Variants in PLAGL1 observed in about 807,000 individuals in gnomAD.
The protein encoded by PLAGL1 is zinc finger protein PLAGL1.
Under a neutral mutation model 4.6 loss-of-function variants are expected in PLAGL1, and 1 was observed. The observed-to-expected ratio is 0.22, with a 90% CI of 0.08 to 1.03. The LOEUF (loss-of-function observed/expected upper bound fraction) is 1.03. Among genes scored for constraint, PLAGL1 ranks in the 50% least tolerant of loss-of-function variants. The pLI is 0.58. For synonymous variants in PLAGL1, 240 were observed against 237.8 expected (o/e 1.01, Z -0.08); for missense variants, 464 against 570.4 (o/e 0.81, Z 1.90).
chr6:143,955,569 A>G lies in PLAGL1; in HGVS notation c.-325+4900T>C, dbSNP rs969695747. 1.6e-4 allele frequency among the ~76,000 whole-genome samples: 25 copies of G among 152,084 alleles called. No individual in the cohort carries two copies. The highest frequency in any genetic ancestry group is 6.0e-4 in the African/African-American group (25 of 41,408). ...GAGGAATGGGAAGAGGCAGTGGGGA[A>G]AGCCTCAGCCTGTGATTGTGAGCCT... On this transcript the variant is annotated intron_variant, in intron 6 of 7. Coordinates refer to ENST00000674357, the MANE Select transcript of PLAGL1 (RefSeq NM_001317162.2). This position sits in a 1 kb window ranked among gnomAD's most constrained non-coding sequence, Gnocchi z 4.9.
rs1796457220 is a variant in PLAGL1, at chr6:144,027,460, C to G, written c.-151+37008G>C. ...AAACTAGTAGGAAGAAATAGAGAAGCAGTTAATAGGAGAAATAGGAGAATG... is the reference window on the plus strand; with the variant it reads ...AAACTAGTAGGAAGAAATAGAGAAGGAGTTAATAGGAGAAATAGGAGAATG... On this transcript the variant is annotated intron_variant, in intron 1 of 3. Transcript: ENST00000437412. This position sits in a 1 kb window ranked among gnomAD's most constrained non-coding sequence, Gnocchi z 5.8. Among the ~76,000 whole-genome samples the G allele has an allele frequency of 6.6e-6, 1 of 151,946 alleles. No individual in the cohort carries two copies. The highest frequency in any genetic ancestry group is 2.4e-5 in the African/African-American group (1 of 41,372).
rs1790266111 is a variant in PLAGL1 at position 143,990,575 on chromosome 6, T to TTA, written c.-583-5403_-583-5402dup. Among the ~76,000 whole-genome samples the TTA allele has an allele frequency of 6.6e-6, 1 of 152,180 alleles. No individual in the cohort carries two copies. Among genetic ancestry groups the TTA allele is most frequent in the South Asian group, 2.1e-4 (1 of 4,836 alleles). ...ACTTTCCAACCCATTCCCCAGGCTC[T>TTA]TATCTCTACCACTCTATCAAAAGAT... is the stretch of plus-strand genomic sequence containing the variant. On this transcript the variant is annotated intron_variant, in intron 1 of 7. Coordinates refer to ENST00000674357, the MANE Select transcript of PLAGL1 (RefSeq NM_001317162.2). The surrounding 1 kb of genome is among the most constrained non-coding windows in gnomAD (Gnocchi z 5.4).
intron 6 of PLAGL1, among the ~76,000 whole-genome samples, chr6:143,956,943 C>T (rs770193996): frequency 6.6e-6 from 1 of 152,244 alleles, no homozygotes; most frequent in Non-Finnish European, 1.5e-5. Flanking sequence ...CCACCACTGG[C>T]CTTCCTCATC....
At position 144,055,040 on chromosome 6, in the gene PLAGL1, T is replaced by C. The variant is rs1798866743; in HGVS notation, c.-151+9428A>G. ...CCCAGCACCTTTTCAACATGAATTG[T>C]CATAATAAAGGATTCCATCCAAGTG... is the stretch of plus-strand genomic sequence containing the variant. On this transcript the variant is annotated intron_variant, in intron 1 of 3. Transcript: ENST00000437412. This position sits in a 1 kb window ranked among gnomAD's most constrained non-coding sequence, Gnocchi z 5.0. 6.6e-6 allele frequency among the ~76,000 whole-genome samples: 1 copy of C among 152,150 alleles called. No individual in the cohort carries two copies. The highest frequency in any genetic ancestry group is 1.5e-5 in the Non-Finnish European group (1 of 68,026).
At chr6:143,987,057 C>CAAGTATATTAAATAT (rs1250412037) in intron 1 of PLAGL1, among the ~76,000 whole-genome samples, 3 of 152,144 alleles carry the variant, frequency 2.0e-5, no homozygotes, top group Non-Finnish European at 4.4e-5. Context: ...ACTTCGTTAA[C>CAAGTATATTAAATAT]ACTGAAATAT....
At position 144,024,150 on chromosome 6, in the gene PLAGL1, T is replaced by C. The variant is rs201045479; in HGVS notation, c.-151+40318A>G. On this transcript the variant is annotated intron_variant, in intron 1 of 3. Transcript: ENST00000437412. Reference sequence around the variant, plus strand: ...GTATGCACAGGTTAGCATCCACCTATATATTTCCTAGCTCTGTCTACTGAG... The same window carrying C: ...GTATGCACAGGTTAGCATCCACCTACATATTTCCTAGCTCTGTCTACTGAG... Among the ~76,000 whole-genome samples the C allele has an allele frequency of 1.3e-4, 20 of 152,334 alleles. No homozygotes were observed. The East Asian group carries it at 2.3e-3, about 18-fold the overall frequency.
At chr6:143,986,749 C>A (rs1358496182) in intron 1 of PLAGL1, among the ~76,000 whole-genome samples, 3 of 152,162 alleles carry the variant, frequency 2.0e-5, no homozygotes, top group Non-Finnish European at 4.4e-5. Context: ...TTATGCATAG[C>A]TGTGACAGTT....
At chr6:143,980,449 T>G (rs184154517) in intron 2 of PLAGL1, among the ~76,000 whole-genome samples, 164 of 151,708 alleles carry the variant, frequency 1.1e-3, no homozygotes, top group Middle Eastern at 3.4e-3. Context: ...CAGTGTATTT[T>G]GGGATTTTAA....
At chr6:144,038,235 T>A (rs1797418957) in intron 1 of PLAGL1, among the ~76,000 whole-genome samples, 1 of 152,248 alleles carries the variant, frequency 6.6e-6, no homozygotes, top group Non-Finnish European at 1.5e-5. Context: ...ACTTATCTAC[T>A]TATTGTTTGT....
Position 143,982,534 on chromosome 6 carries a change from G to A in PLAGL1, c.-544+2601C>T, listed in dbSNP as rs1231442049. On this transcript the variant is annotated intron_variant, in intron 2 of 7. Transcript: ENST00000674357. This position sits in a 1 kb window ranked among gnomAD's most constrained non-coding sequence, Gnocchi z 5.3. ...ACTTAACAGTTTTAAATAATTTATC[G>A]GGCTGTTGTGTGGAGAGTGAATTCT... is the stretch of plus-strand genomic sequence containing the variant. Among the ~76,000 whole-genome samples, 3 of 152,088 alleles carry A rather than the reference G, an allele frequency of 2.0e-5. No individual in the cohort carries two copies. The highest frequency in any genetic ancestry group is 4.4e-5 in the Non-Finnish European group (3 of 68,016).
rs1781970733 is a variant in PLAGL1, at chr6:143,955,675, A to G, written c.-325+4794T>C. 6.6e-6 allele frequency among the ~76,000 whole-genome samples: 1 copy of G among 152,132 alleles called. No homozygotes were observed. Among genetic ancestry groups the G allele is most frequent in the East Asian group, 1.9e-4 (1 of 5,186 alleles). On this transcript the variant is annotated intron_variant, in intron 6 of 7. Transcript: ENST00000674357. The surrounding 1 kb of genome is among the most constrained non-coding windows in gnomAD (Gnocchi z 4.9). Reference sequence around the variant, plus strand: ...GGCGCTCACCACCAGGGAGCTGGGCAATGGGGACCGATCAGAAGCAGTGGA... The same window carrying G: ...GGCGCTCACCACCAGGGAGCTGGGCGATGGGGACCGATCAGAAGCAGTGGA...
upstream of PLAGL1, among the ~76,000 whole-genome samples, chr6:144,009,222 T>A (rs1213871408): frequency 1.3e-5 from 2 of 152,246 alleles, no homozygotes; most frequent in African/African-American, 2.4e-5. Flanking sequence ...TTCCTAGCAA[T>A]GAGAACATTT....
chr6:144,006,770 T>C lies in PLAGL1; in HGVS notation c.-584+1320A>G, dbSNP rs1370056626. 1 of 152,196 alleles carries C rather than the reference T, an allele frequency of 6.6e-6. No homozygotes were observed. The highest frequency in any genetic ancestry group is 2.4e-5 in the African/African-American group (1 of 41,448). 9.4% of individuals were successfully genotyped at this position (152,196 alleles called of 1,614,324 possible). A position where few individuals can be genotyped will look rare whatever the true frequency, so the allele number is the denominator to read the frequency against. On this transcript the variant is annotated intron_variant, in intron 1 of 7. Transcript: ENST00000674357. This position sits in a 1 kb window ranked among gnomAD's most constrained non-coding sequence, Gnocchi z 4.3. ...GTACACGTCTGCTTGTGGACATGTA[T>C]TAAAATTTATCTAGGGCAGTGGCTT...
intron 1 of PLAGL1, among the ~76,000 whole-genome samples, chr6:144,041,474 T>A (rs995438577): frequency 1.3e-5 from 2 of 152,122 alleles, no homozygotes; most frequent in African/African-American, 4.8e-5. Context: ...AGAATGATGG[T>A]TTCCAGCTTC....
chr6:144,022,069 T>C lies in PLAGL1; in HGVS notation c.-151+42399A>G, dbSNP rs1249146324. Among the ~76,000 whole-genome samples the C allele has an allele frequency of 1.3e-5, 2 of 152,196 alleles. No homozygotes were observed. Among genetic ancestry groups the C allele is most frequent in the African/African-American group, 4.8e-5 (2 of 41,450 alleles). ...AGGGCTTTGAACCAGAGGCTGAGAA[T>C]CACCAAAAGAATTTTTTAAAAACCA... On this transcript the variant is annotated intron_variant, in intron 1 of 3. Coordinates refer to the PLAGL1 transcript ENST00000437412. The surrounding 1 kb of genome is among the most constrained non-coding windows in gnomAD (Gnocchi z 4.2).
Position 143,958,615 on chromosome 6 carries a change from A to G in PLAGL1, c.-325+1854T>C, listed in dbSNP as rs548454012. ...TCTTTGCCTTTCCATGTCATGTCCA[A>G]TAAATTCAAAGGATGCAAAGCAAAT... On this transcript the variant is annotated intron_variant, in intron 6 of 7. Coordinates refer to ENST00000674357, the MANE Select transcript of PLAGL1 (RefSeq NM_001317162.2). The surrounding 1 kb of genome is among the most constrained non-coding windows in gnomAD (Gnocchi z 5.1). 6.6e-6 allele frequency among the ~76,000 whole-genome samples: 1 copy of G among 152,358 alleles called. No individual in the cohort carries two copies. Among genetic ancestry groups the G allele is most frequent in the East Asian group, 1.9e-4 (1 of 5,190 alleles).
In PLAGL1 at chr6:143,941,348, T is replaced by A. The variant is rs1299483867; in HGVS notation, c.*76A>T. 1 of 1,181,094 alleles carries A rather than the reference T, an allele frequency of 8.5e-7. No individual in the cohort carries two copies. Among genetic ancestry groups the A allele is most frequent in the Non-Finnish European group, 1.2e-6 (1 of 858,010 alleles). 73.2% of individuals were successfully genotyped at this position (1,181,094 alleles called of 1,614,324 possible). A position where few individuals can be genotyped will look rare whatever the true frequency, so the allele number is the denominator to read the frequency against. ...GTCCCAGTCTCGTTTTCCAAATCTT[T>A]CTCATATTGTAACTGACATTTAAAA... is the stretch of plus-strand genomic sequence containing the variant. On this transcript the variant is annotated 3_prime_UTR_variant, in exon 8 of 8. Transcript: ENST00000674357. This position sits in a 1 kb window ranked among gnomAD's most constrained non-coding sequence, Gnocchi z 6.0.
chr6:143,993,358 A>ACG, intron 1 of PLAGL1, among the ~76,000 whole-genome samples: 1 of 151,850 alleles, frequency 6.6e-6, no homozygotes, highest in Admixed American at 6.5e-5. Flanking sequence ...ACACACACAC[A>ACG]CACACACACA....
chr6:144,054,784 T>A (rs972137708), intron 1 of PLAGL1, among the ~76,000 whole-genome samples: 3,154 of 86,410 alleles, frequency 0.037, 88 homozygotes, highest in African/African-American at 0.15. Flanking sequence ...AGAGTGTGTG[T>A]GTGTGTGTGT....
Sources: gnomAD v4.1 joint callset for allele counts (sites outside exome capture counted in the v4.1 genomes callset) on GRCh38, gnomAD v4.1.1 for gene constraint, Gnocchi (gnomAD v3.1) non-coding constraint, MANE v1.5 for transcripts, NCBI Gene and HGNC (gene_info 2026-07-23, HGNC 2026-07-21) for gene names.